KLHL10: variants seen among roughly 807,000 people sequenced by gnomAD.
KLHL10 encodes kelch like family member 10.
In KLHL10, 11 loss-of-function variants were observed where a neutral mutation model predicts 46.6. That is an observed-to-expected ratio of 0.24 (90% CI 0.15 to 0.39). The LOEUF (loss-of-function observed/expected upper bound fraction) is 0.39. KLHL10 is among the 10% of genes least tolerant of loss of function. The pLI is 1.00. For missense variants in KLHL10, 475 were observed against 789.8 expected (o/e 0.60, Z 4.78); for synonymous variants, 254 against 279.1 (o/e 0.91, Z 0.90).
At chr17:41,835,914 C>A (rs782788254), upstream of KLHL10, 2 of 1,606,854 alleles carry the variant, frequency 1.2e-6, no homozygotes, top group South Asian at 2.2e-5. Flanking sequence ...CTGCACCCGC[C>A]CAGGCTGCCG....
At chr17:41,845,771 T>G (rs2048278094) in intron 3 of KLHL10, 28 bp downstream of exon 3, 2 of 1,613,498 alleles carry the variant, frequency 1.2e-6, no homozygotes, top group Admixed American at 3.3e-5. Flanking sequence ...GAGGGGAAGA[T>G]GTGGATGCAA....
At chr17:41,844,955 G>GTCAA (rs1423390890) in intron 2 of KLHL10, among the ~76,000 whole-genome samples, 171 bp from the exon 3 acceptor site, 1 of 152,174 alleles carries the variant, frequency 6.6e-6, no homozygotes, top group Admixed American at 6.5e-5. Context: ...AAAGTGCTGG[G>GTCAA]ATTATGGTGT....
At position 41,845,506 on chromosome 17, in the gene KLHL10, T is replaced by C. The variant is rs782376769; in HGVS notation, c.1065T>C (p.Ser355=). ...GGFDSVDYFN[S]VKRFDPVKKT... Reference sequence around the variant, plus strand: ...TTGATAGTGTAGACTATTTCAATAGTGTTAAGCGTTTTGACCCAGTCAAGA... The same window carrying C: ...TTGATAGTGTAGACTATTTCAATAGCGTTAAGCGTTTTGACCCAGTCAAGA... The change falls in exon 3 of 5, where the codon AGT becomes AGC. Residue 355 remains serine, a synonymous_variant. Transcript: ENST00000293303. 6.2e-6 allele frequency: 10 copies of C among 1,614,212 alleles called. No individual in the cohort carries two copies. The highest frequency in any genetic ancestry group is 8.5e-6 in the Non-Finnish European group (10 of 1,180,034).
Position 41,842,073 on chromosome 17 carries a change from G to T in KLHL10, c.445G>T (p.Asp149Tyr). ...DNCIGICKFT[D>Y]YYYCPELRQK... Reference sequence around the variant, plus strand: ...TTGTATCGGCATCTGTAAGTTCACGGACTACTACTACTGTCCTGAGCTGAG... The same window carrying T: ...TTGTATCGGCATCTGTAAGTTCACGTACTACTACTACTGTCCTGAGCTGAG... The change falls in exon 2 of 5, where the codon GAC (aspartate) becomes TAC (tyrosine). Residue 149 changes from aspartate to tyrosine, a missense_variant. By Grantham distance (160) the Asp-to-Tyr change is radical (BLOSUM62 -3). Transcript: ENST00000293303. 1 of 1,614,112 alleles carries T rather than the reference G, an allele frequency of 6.2e-7. No individual in the cohort carries two copies. Among genetic ancestry groups the T allele is most frequent in the Non-Finnish European group, 8.5e-7 (1 of 1,180,032 alleles).
At chr17:41,836,270 C>T (rs1555620048), upstream of KLHL10, 1 of 1,000,384 alleles carries the variant, frequency 1.0e-6, no homozygotes, top group African/African-American at 1.9e-5. Context: ...CGCCTCCCGC[C>T]TGGAGCCCGG....
At chr17:41,835,770 C>T (rs1277918012), upstream of KLHL10, 4 of 1,290,494 alleles carry the variant, frequency 3.1e-6, no homozygotes, top group South Asian at 2.5e-5. Context: ...AGGAGGGGTC[C>T]GCGGCAGAGC....
chr17:41,845,260 A>T lies in KLHL10; in HGVS notation c.819A>T (p.Gly273=), dbSNP rs781869297. The change falls in exon 3 of 5, where the codon GGA becomes GGT. Residue 273 remains glycine (G), a synonymous_variant. Transcript: ENST00000293303. ...CCATGTATGACCTCAACATGAATGGACCCTCTAATTCTGATTTCACCAACC... is the reference window on the plus strand; with the variant it reads ...CCATGTATGACCTCAACATGAATGGTCCCTCTAATTCTGATTTCACCAACC... The part of the protein sequence containing the change: ...LKAMYDLNMN[G]PSNSDFTNPL... 3.7e-6 allele frequency: 6 copies of T among 1,614,164 alleles called. No individual in the cohort carries two copies. Among genetic ancestry groups the T allele is most frequent in the Non-Finnish European group, 5.1e-6 (6 of 1,180,034 alleles).
chr17:41,842,394 G>A (rs2048235457), intron 2 of KLHL10, 82 bp downstream of exon 2: 7 of 1,537,210 alleles, frequency 4.6e-6, no homozygotes, highest in Non-Finnish European at 6.3e-6. Context: ...TCCCAAGGCT[G>A]TATTTACATG....
intron 3 of KLHL10, among the ~76,000 whole-genome samples, chr17:41,846,853 GC>G (rs1567870609): frequency 6.6e-6 from 1 of 152,176 alleles, no homozygotes; most frequent in East Asian, 1.9e-4. Context: ...AGTGTATCAT[GC>G]CTGTAATCCT....
intron 2 of KLHL10, among the ~76,000 whole-genome samples, chr17:41,843,169 T>A (rs945135419): frequency 6.6e-6 from 1 of 151,750 alleles, no homozygotes. Flanking sequence ...TCCTTTCAGC[T>A]TTTTTCCTTT....
At chr17:41,838,147 T>A (rs1239921748) in intron 1 of KLHL10, 21 bp downstream of exon 1, 1 of 1,598,154 alleles carries the variant, frequency 6.3e-7, no homozygotes. Context: ...GTTGCCAAAT[T>A]CAGCCAAAGG....
chr17:41,847,488 C>A, intron 4 of KLHL10, 78 bp downstream of exon 4: 11 of 1,513,194 alleles, frequency 7.3e-6, no homozygotes, highest in East Asian at 2.3e-5. Flanking sequence ...GTTTATGCTA[C>A]TATTGGTAAG....
In KLHL10 at chr17:41,847,417, TTATC is replaced by T. The variant is rs1555621570; in HGVS notation, c.1452+10_1452+13del. On this transcript the variant is annotated splice_region_variant and intron_variant, in intron 4 of 4. Coordinates refer to ENST00000293303, the MANE Select transcript of KLHL10 (RefSeq NM_152467.5). Reference sequence around the variant, plus strand: ...TGGAGAACATGTATATGCGGTAAGTTTATCTAGTACCACACACACACAAAAAACA... The same window carrying T: ...TGGAGAACATGTATATGCGGTAAGTTTAGTACCACACACACACAAAAAACA... The T allele has an allele frequency of 2.5e-6, 4 of 1,614,012 alleles. No individual in the cohort carries two copies.
At chr17:41,841,660 C>A in intron 1 of KLHL10, 163 bp from the exon 2 acceptor site, 1 of 746,526 alleles carries the variant, frequency 1.3e-6, no homozygotes, top group Non-Finnish European at 2.2e-6. Context: ...ATTTCTCCAT[C>A]CACAAGGTAA....
intron 2 of KLHL10, among the ~76,000 whole-genome samples, chr17:41,843,378 G>A (rs574607107): frequency 1.3e-5 from 2 of 152,104 alleles, no homozygotes; most frequent in Admixed American, 1.3e-4. Context: ...GGTGGTGCAT[G>A]CCTGTAATCC....
At chr17:41,842,357 A>G in intron 2 of KLHL10, 45 bp downstream of exon 2, 1 of 1,611,938 alleles carries the variant, frequency 6.2e-7, no homozygotes. Context: ...AGATTGTCCT[A>G]AAAGCAAAAT....
At chr17:41,843,165 C>T (rs1555620905) in intron 2 of KLHL10, among the ~76,000 whole-genome samples, 1 of 151,624 alleles carries the variant, frequency 6.6e-6, no homozygotes, top group Non-Finnish European at 1.5e-5. Flanking sequence ...AAATTCCTTT[C>T]AGCTTTTTTC....
chr17:41,844,542 ATT>A (rs369578859), intron 2 of KLHL10, among the ~76,000 whole-genome samples: 1 of 115,330 alleles, frequency 8.7e-6, no homozygotes, highest in Non-Finnish European at 1.7e-5. Flanking sequence ...TGGTTTTTGT[ATT>A]TTTTTTTTTT....
At chr17:41,835,878 C>T, upstream of KLHL10, 1 of 1,609,268 alleles carries the variant, frequency 6.2e-7, no homozygotes, top group Non-Finnish European at 8.5e-7. Flanking sequence ...GTCTCCGCCG[C>T]CCTTGCGGAG....
Sources: gnomAD v4.1 joint callset for allele counts (sites outside exome capture counted in the v4.1 genomes callset) on GRCh38, gnomAD v4.1.1 for gene constraint, MANE v1.5 for transcripts, NCBI Gene and HGNC (gene_info 2026-07-23, HGNC 2026-07-21) for gene names.